EEA1: variants seen among roughly 807,000 people sequenced by gnomAD.
EEA1 encodes early endosome antigen 1, 162kD.
Under a neutral mutation model 209.2 loss-of-function variants are expected in EEA1, and 111 were observed. That is an observed-to-expected ratio of 0.53 (90% CI 0.45 to 0.62). EEA1 has a LOEUF of 0.62. EEA1 is among the 20% of genes least tolerant of loss of function. The pLI, the probability that EEA1 is intolerant of heterozygous loss-of-function variation, is 0.00. For synonymous variants in EEA1, 536 were observed against 540.6 expected, an observed-to-expected ratio of 0.99 and a Z score of 0.12; for missense variants, 1,343 against 1,530.8, an observed-to-expected ratio of 0.88 and a Z score of 2.05.
At chr12:92,850,647 G>C (rs555291921) in intron 9 of EEA1, among the ~76,000 whole-genome samples, 6 of 116,712 alleles carry the variant, frequency 5.1e-5, no homozygotes, top group Non-Finnish European at 8.1e-5. Flanking sequence ...CTGAGATCAC[G>C]CCACTGCACT....
chr12:92,846,657 T>C (rs1877397682), intron 9 of EEA1, among the ~76,000 whole-genome samples: 1 of 152,200 alleles, frequency 6.6e-6, no homozygotes, highest in Non-Finnish European at 1.5e-5. Flanking sequence ...CAATTTCCAA[T>C]CCATAAAACA....
chr12:92,833,978 G>C (rs1230217281), intron 10 of EEA1, among the ~76,000 whole-genome samples: 1 of 151,930 alleles, frequency 6.6e-6, no homozygotes, highest in Non-Finnish European at 1.5e-5. Flanking sequence ...AAAAGCAATG[G>C]GAAAAATCAT....
At chr12:92,852,137 G>T in intron 8 of EEA1, 38 bp downstream of exon 8, 2 of 1,487,532 alleles carry the variant, frequency 1.3e-6, no homozygotes, top group South Asian at 1.4e-5. Context: ...ATTTAGAAAG[G>T]TATAAGAGTA....
chr12:92,858,472 G>T (rs1029755640), intron 3 of EEA1: 2 of 1,110,154 alleles, frequency 1.8e-6, no homozygotes, highest in African/African-American at 3.0e-5. Flanking sequence ...GAAGACATTG[G>T]TGTTGGAGAC....
At chr12:92,795,450 G>C (rs1381504730) in intron 21 of EEA1, among the ~76,000 whole-genome samples, 3 of 152,156 alleles carry the variant, frequency 2.0e-5, no homozygotes, top group African/African-American at 7.2e-5. Flanking sequence ...TCAGCACCTA[G>C]AATTGTGCCA....
At chr12:92,923,925 A>C (rs2136791136) in intron 1 of EEA1, among the ~76,000 whole-genome samples, 1 of 151,876 alleles carries the variant, frequency 6.6e-6, no homozygotes, top group Non-Finnish European at 1.5e-5. Flanking sequence ...TTTGGAGTTT[A>C]TAATTATAAT....
At chr12:92,881,320 A>AGTG (rs924140126) in intron 2 of EEA1, among the ~76,000 whole-genome samples, 1 of 152,054 alleles carries the variant, frequency 6.6e-6, no homozygotes, top group African/African-American at 2.4e-5. Flanking sequence ...CTCGGGAGGC[A>AGTG]GTGGTAGGAA....
intron 22 of EEA1, among the ~76,000 whole-genome samples, chr12:92,785,024 T>C (rs1874067574): frequency 2.8e-5 from 1 of 35,762 alleles, no homozygotes; most frequent in Non-Finnish European, 6.3e-5. Context: ...TCCCATACTT[T>C]CTTAAAAAAA....
chr12:92,878,316 A>G (rs189933029), intron 2 of EEA1, among the ~76,000 whole-genome samples: 1 of 152,336 alleles, frequency 6.6e-6, no homozygotes, highest in East Asian at 1.9e-4. Flanking sequence ...GGGGGAACGG[A>G]CTGAAGATAT....
intron 8 of EEA1, among the ~76,000 whole-genome samples, chr12:92,851,529 C>T (rs1877631253): frequency 6.6e-6 from 1 of 152,182 alleles, no homozygotes; most frequent in African/African-American, 2.4e-5. Context: ...TTTTCCTTCC[C>T]TTCACAAACT....
At chr12:92,798,203 T>C (rs1592707526) in intron 21 of EEA1, among the ~76,000 whole-genome samples, 1 of 152,324 alleles carries the variant, frequency 6.6e-6, no homozygotes, top group East Asian at 1.9e-4. Context: ...AGCTTTACAC[T>C]AGTGAATGTT....
At chr12:92,867,001 A>G (rs73364404) in intron 2 of EEA1, among the ~76,000 whole-genome samples, 2,423 of 152,272 alleles carry the variant, frequency 0.016, 26 homozygotes, top group East Asian at 0.04. Context: ...CTGCAATAAC[A>G]TTAGAAACAG....
chr12:92,912,243 T>C (rs555565978), intron 1 of EEA1, among the ~76,000 whole-genome samples: 1 of 152,304 alleles, frequency 6.6e-6, no homozygotes, highest in African/African-American at 2.4e-5. Flanking sequence ...AACAAAGTGG[T>C]GTCAGTGGTA....
Position 92,852,236 on chromosome 12 carries a change from G to A in EEA1, c.581C>T (p.Thr194Ile). 6.2e-7 allele frequency: 1 copy of A among 1,601,396 alleles called. No individual in the cohort carries two copies. The highest frequency in any genetic ancestry group is 8.5e-7 in the Non-Finnish European group (1 of 1,174,110). Residue 194 changes from threonine to isoleucine, a missense_variant, in exon 8 of 29, where the codon ACA becomes ATA. Coordinates refer to ENST00000322349, the MANE Select transcript of EEA1 (RefSeq NM_003566.4). The part of the protein sequence containing the change: ...SLREAAEQKV[T>I]RLTEELNKEA... ...TTTGTTTAATTCTTCTGTCAGACGT[G>A]TCACTTTTTGTTCAGCAGCTTCTCG...
rs1237816702 is a variant in EEA1, at chr12:92,891,656, C to T, written c.90G>A (p.Val30=). 6.2e-7 allele frequency: 1 copy of T among 1,608,054 alleles called. No individual in the cohort carries two copies. Among genetic ancestry groups the T allele is most frequent in the Non-Finnish European group, 8.5e-7 (1 of 1,177,768 alleles). ...CTGAAGAGCTTTCATTATTGACGTC[C>T]ACTGTGTTTATAGGAGTTGCTGATG... ...LDSSATPINT[V]DVNNESSSEG... The change falls in exon 2 of 29, where the codon GTG becomes GTA. Residue 30 remains valine, a synonymous_variant. Transcript: ENST00000322349.
rs56959398 is a variant in EEA1 at position 92,855,431 on chromosome 12, C to CAA, written c.367-1479_367-1478dup. Among the ~76,000 whole-genome samples the CAA allele has an allele frequency of 3.6e-3, 345 of 96,020 alleles. 7 individuals carry two copies. Among genetic ancestry groups the CAA allele is most frequent in the African/African-American group, 8.2e-3 (209 of 25,432 alleles). 63.0% of individuals were successfully genotyped at this position (96,020 alleles called of 152,430 possible). On this transcript the variant is annotated intron_variant, in intron 5 of 28. Coordinates refer to ENST00000322349, the MANE Select transcript of EEA1 (RefSeq NM_003566.4). ...TGGGTGACAGAGCGAGACTCTGTCTCAAAAAAAAAAAAAAAAAAAATGCTA... is the reference window on the plus strand; with the variant it reads ...TGGGTGACAGAGCGAGACTCTGTCTCAAAAAAAAAAAAAAAAAAAAAATGCTA...
At position 92,771,161 on chromosome 12, in the gene EEA1, G is replaced by A. The variant is rs887118866; in HGVS notation, c.*4850C>T. 2 of 152,030 alleles carry A rather than the reference G, an allele frequency of 1.3e-5. No homozygotes were observed. The highest frequency in any genetic ancestry group is 2.9e-5 in the Non-Finnish European group (2 of 67,972). 9.4% of individuals were successfully genotyped at this position (152,030 alleles called of 1,614,324 possible). A position where few individuals can be genotyped will look rare whatever the true frequency, so the allele number is the denominator to read the frequency against. On this transcript the variant is annotated 3_prime_UTR_variant, in exon 29 of 29. Coordinates refer to ENST00000322349, the MANE Select transcript of EEA1 (RefSeq NM_003566.4). ...TACATTCAAGGAACTAGTTCTTAGG[G>A]TCAGATTATTGCATCAAAGGGAAGT...
rs1873554122 is a variant in EEA1, at chr12:92,774,107, ATTAAG to A, written c.*1899_*1903del. 1.3e-5 allele frequency: 2 copies of A among 150,362 alleles called. No individual in the cohort carries two copies. The highest frequency in any genetic ancestry group is 2.4e-5 in the African/African-American group (1 of 41,198). 9.3% of individuals were successfully genotyped at this position (150,362 alleles called of 1,614,324 possible). On this transcript the variant is annotated 3_prime_UTR_variant, in exon 29 of 29. Coordinates refer to ENST00000322349, the MANE Select transcript of EEA1 (RefSeq NM_003566.4). ...ATATCTGTGTTTTTCCAGCACACTT[ATTAAG>A]TTATTTATATGTAAAAGGATAGAAT...
In EEA1 at chr12:92,832,544, G is replaced by A; in HGVS notation, c.1222C>T (p.His408Tyr). ...LQQQREEKEQHGLQLQSEINQ... is the reference protein window; with the variant it reads ...LQQQREEKEQYGLQLQSEINQ... ...ATTTCACTTTGGAGTTGTAACCCAT[G>A]CTGCTCCTTTTCTTCTCTCTGTTGT... Residue 408 changes from histidine (H) to tyrosine (Y), a missense_variant, in exon 11 of 29, where the codon CAT becomes TAT. Physicochemically the swap from His to Tyr is moderately conservative, Grantham distance 83 (BLOSUM62 2). Around this residue, in one of 3 missense-constraint regions of EEA1, gnomAD observed 1,307 missense variants for 1,465.5 expected, o/e 0.89. Transcript: ENST00000322349. 1 of 1,613,428 alleles carries A rather than the reference G, an allele frequency of 6.2e-7. No individual in the cohort carries two copies. Among genetic ancestry groups the A allele is most frequent in the African/African-American group, 1.3e-5 (1 of 74,916 alleles).
Sources: allele counts gnomAD v4.1 joint callset (sites outside exome capture counted in the v4.1 genomes callset), GRCh38; gene constraint gnomAD v4.1.1; regional missense constraint gnomAD v4.1.1; transcripts MANE v1.5; gene names NCBI Gene and HGNC (gene_info 2026-07-23, HGNC 2026-07-21).